The following NBEA variants were observed in gnomAD, a reference collection of about 807,000 sequenced individuals.
The protein encoded by NBEA is lysosomal-trafficking regulator 2.
NBEA carries 44 observed loss-of-function variants against 343.4 expected under a neutral mutation model. The observed-to-expected ratio is 0.13, with a 90% CI of 0.10 to 0.16. The LOEUF (loss-of-function observed/expected upper bound fraction) is 0.16. NBEA is among the 10% of genes least tolerant of loss of function. The pLI is 1.00. For synonymous variants in NBEA, 1,175 were observed against 1,238.7 expected, an observed-to-expected ratio of 0.95 and a Z score of 1.08; for missense variants, 2,555 against 3,631.3, an observed-to-expected ratio of 0.70 and a Z score of 7.62.
intron 39 of NBEA, among the ~76,000 whole-genome samples, chr13:35,436,061 CAA>C (rs890332817): frequency 7.7e-6 from 1 of 129,124 alleles, no homozygotes. Context: ...AGACTGGTTT[CAA>C]AAAAAAAAAG....
In NBEA at chr13:35,129,888, A is replaced by G. The variant is rs141840836; in HGVS notation, c.2336+6314A>G. On this transcript the variant is annotated intron_variant, in intron 17 of 58. Coordinates refer to ENST00000379939, the MANE Select transcript of NBEA (RefSeq NM_001385012.1). ...GCCATATAATATTAAAAGAAATATA[A>G]TATTTTAGTAAAGAAAACAATATAG... Among the ~76,000 whole-genome samples the G allele has an allele frequency of 3.3e-5, 5 of 152,192 alleles. No individual in the cohort carries two copies. In the East Asian group the frequency reaches 9.6e-4, roughly 29 times the overall value.
At chr13:35,144,104 G>A (rs1440608577) in intron 18 of NBEA, among the ~76,000 whole-genome samples, 1 of 152,054 alleles carries the variant, frequency 6.6e-6, no homozygotes, top group Non-Finnish European at 1.5e-5. Flanking sequence ...GCAAATAAAA[G>A]TTTTTGTTTC....
chr13:35,257,476 A>G lies in NBEA; in HGVS notation c.5776+24857A>G, dbSNP rs544570503. Among the ~76,000 whole-genome samples the G allele has an allele frequency of 1.2e-3, 178 of 152,354 alleles. 1 individual carries two copies. Among genetic ancestry groups the G allele is most frequent in the African/African-American group, 4.1e-3 (172 of 41,588 alleles). On this transcript the variant is annotated intron_variant, in intron 34 of 58. Transcript: ENST00000379939. ...AAATTTGCATTAATTAAGAGCAGCA[A>G]TGTAAATGACTACTATGGTTATGTT...
intron 44 of NBEA, 106 bp downstream of exon 44, chr13:35,555,208 T>C (rs2079523003): frequency 5.4e-6 from 3 of 559,400 alleles, no homozygotes; most frequent in Non-Finnish European, 8.7e-6. Flanking sequence ...AAATGCATCA[T>C]TAGAGTAAAT....
At chr13:35,417,874 C>G (rs1462132077) in intron 38 of NBEA, among the ~76,000 whole-genome samples, 1 of 152,040 alleles carries the variant, frequency 6.6e-6, no homozygotes, top group East Asian at 1.9e-4. Flanking sequence ...GATTTTAAGT[C>G]TCTTTGTAGG....
rs555210621 is a variant in NBEA, at chr13:35,558,007, A to C, written c.6922+2905A>C. ...TTAGGAGTCAGTATAGTGTTAGAGT[A>C]GAAGGGAATGCGATGTGGAGTTTTA... On this transcript the variant is annotated intron_variant, in intron 44 of 58. Transcript: ENST00000379939. Among the ~76,000 whole-genome samples, 308 of 152,310 alleles carry C rather than the reference A, an allele frequency of 2.0e-3. 1 individual carries two copies. Among genetic ancestry groups the C allele is most frequent in the African/African-American group, 6.9e-3 (288 of 41,564 alleles).
intron 2 of NBEA, among the ~76,000 whole-genome samples, chr13:35,043,282 T>G (rs1263811255): frequency 6.6e-6 from 1 of 151,858 alleles, no homozygotes; most frequent in African/African-American, 2.4e-5. Context: ...AAATACAAAT[T>G]TAATAGATTA....
intron 10 of NBEA, among the ~76,000 whole-genome samples, chr13:35,084,080 TC>T (rs2064586534): frequency 6.6e-6 from 1 of 152,056 alleles, no homozygotes; most frequent in African/African-American, 2.4e-5. Flanking sequence ...ATAAAGCAAG[TC>T]CTTAGAGACC....
At chr13:35,154,038 G>A (rs2068979542) in intron 18 of NBEA, among the ~76,000 whole-genome samples, 2 of 152,274 alleles carry the variant, frequency 1.3e-5, no homozygotes, top group Middle Eastern at 3.4e-3. Context: ...TTAGAAAGTT[G>A]TGAAATGCTG....
chr13:35,534,834 T>C (rs7320016), intron 41 of NBEA, among the ~76,000 whole-genome samples: 148,498 of 152,304 alleles, frequency 0.98, 72,518 homozygotes, highest in East Asian at 1. Flanking sequence ...TTTTTTTTGA[T>C]GAACAAATTA....
At chr13:35,409,391 T>C (rs556497096) in intron 38 of NBEA, among the ~76,000 whole-genome samples, 25 of 151,988 alleles carry the variant, frequency 1.6e-4, no homozygotes, top group African/African-American at 4.8e-4. Context: ...AACTGGTGGG[T>C]ACTAGGCTTA....
At chr13:35,050,847 T>G (rs2063041351) in intron 6 of NBEA, among the ~76,000 whole-genome samples, 2 of 152,006 alleles carry the variant, frequency 1.3e-5, no homozygotes, top group African/African-American at 4.8e-5. Context: ...TTTGTTAATT[T>G]GTGATGCTTT....
chr13:35,464,909 G>C (rs994207665), intron 40 of NBEA, among the ~76,000 whole-genome samples: 3 of 151,950 alleles, frequency 2.0e-5, no homozygotes, highest in Non-Finnish European at 4.4e-5. Flanking sequence ...AATTTTCGTT[G>C]ACTACGTGAA....
At chr13:35,610,352 T>TACAGCACTCCAGCCGAGATCGCGCC (rs1566404661) in intron 48 of NBEA, among the ~76,000 whole-genome samples, 3 of 151,960 alleles carry the variant, frequency 2.0e-5, no homozygotes, top group Non-Finnish European at 2.9e-5. Flanking sequence ...GAGATTGCGC[T>TACAGCACTCCAGCCGAGATCGCGCC]ACTGCACTCC....
intron 41 of NBEA, among the ~76,000 whole-genome samples, chr13:35,517,270 A>G (rs1048172933): frequency 1.1e-4 from 17 of 151,732 alleles, no homozygotes; most frequent in Admixed American, 9.8e-4. Flanking sequence ...CCTTTCAGTC[A>G]CCTCCATTCT....
At chr13:35,606,395 G>A (rs1243675435) in intron 47 of NBEA, 31 bp from the exon 48 acceptor site, 2 of 1,341,056 alleles carry the variant, frequency 1.5e-6, no homozygotes, top group Admixed American at 2.8e-5. Flanking sequence ...TTATAAAGTG[G>A]TTTAATATGC....
At chr13:35,312,052 T>C (rs1311120073) in intron 36 of NBEA, among the ~76,000 whole-genome samples, 1 of 152,208 alleles carries the variant, frequency 6.6e-6, no homozygotes. Context: ...GCAGCAAATG[T>C]CTGTTCAACA....
At chr13:35,415,408 G>A (rs950155361) in intron 38 of NBEA, among the ~76,000 whole-genome samples, 7 of 152,138 alleles carry the variant, frequency 4.6e-5, no homozygotes, top group African/African-American at 1.7e-4. Context: ...ATTAATTTTT[G>A]TATAAGATGT....
chr13:35,307,583 C>T (rs1370963525), intron 35 of NBEA, among the ~76,000 whole-genome samples: 3 of 151,954 alleles, frequency 2.0e-5, no homozygotes, highest in African/African-American at 4.8e-5. Flanking sequence ...AATATCTTAC[C>T]GAAAAATCTT....
Sources: allele counts gnomAD v4.1 joint callset (sites outside exome capture counted in the v4.1 genomes callset), GRCh38; gene constraint gnomAD v4.1.1; transcripts MANE v1.5; gene names NCBI Gene and HGNC (gene_info 2026-07-23, HGNC 2026-07-21).